GSE1: variants seen among roughly 807,000 people sequenced by gnomAD.
The protein encoded by GSE1 is genetic suppressor element 1.
A neutral mutation model predicts 112.6 loss-of-function variants in GSE1; 32 were observed. The ratio of observed to expected loss-of-function variants is 0.28; its 90% confidence interval spans 0.21 to 0.38. The LOEUF (loss-of-function observed/expected upper bound fraction) is 0.38, where lower values mean the gene tolerates loss of function less well. Ranked by LOEUF, GSE1 falls within the 10% of genes least tolerant of loss-of-function variation. The probability of loss-of-function intolerance (pLI) is 1.00; values close to 1 mark genes in which losing one functional copy is unlikely to be tolerated. For synonymous variants in GSE1, 1,115 were observed against 735.6 expected (o/e 1.52, Z -8.35); for missense variants, 2,348 against 1,699.2 (o/e 1.38, Z -6.71).
At chr16:85,616,736 G>A (rs906979525) in intron 1 of GSE1, among the ~76,000 whole-genome samples, 4 of 150,218 alleles carry the variant, frequency 2.7e-5, no homozygotes, top group African/African-American at 7.4e-5. Context: ...CACCGAGTGC[G>A]GTGTGGGACG....
intron 1 of GSE1, among the ~76,000 whole-genome samples, chr16:85,299,745 T>G (rs1381765377): frequency 2.0e-5 from 3 of 152,028 alleles, no homozygotes; most frequent in Non-Finnish European, 4.4e-5. Flanking sequence ...CTGGGCAACA[T>G]AGTGGGACTC....
chr16:85,627,219 T>C (rs908980498), intron 1 of GSE1, among the ~76,000 whole-genome samples: 4 of 150,500 alleles, frequency 2.7e-5, no homozygotes, highest in African/African-American at 9.8e-5. Context: ...CCCCAGACCT[T>C]TCCTGTCTGT....
intron 1 of GSE1, among the ~76,000 whole-genome samples, chr16:85,298,764 C>A (rs1410150524): frequency 4.6e-5 from 7 of 152,332 alleles, no homozygotes; most frequent in African/African-American, 1.7e-4. Context: ...AGATTCACGC[C>A]CTTTGCATGT....
chr16:85,440,228 AG>A (rs2049344268), intron 2 of GSE1, among the ~76,000 whole-genome samples: 1 of 152,222 alleles, frequency 6.6e-6, no homozygotes, highest in South Asian at 2.1e-4. Flanking sequence ...GAGGATCAGG[AG>A]ACAGTCAGCC....
At chr16:85,294,007 C>G (rs1056693926) in intron 1 of GSE1, among the ~76,000 whole-genome samples, 4 of 152,320 alleles carry the variant, frequency 2.6e-5, no homozygotes, top group Non-Finnish European at 2.9e-5. Flanking sequence ...TGCTTCGAGG[C>G]GCCCTCTGTG....
chr16:85,664,366 G>T (rs2052666910), intron 11 of GSE1, among the ~76,000 whole-genome samples: 1 of 152,202 alleles, frequency 6.6e-6, no homozygotes, highest in African/African-American at 2.4e-5. Flanking sequence ...GTTGATCAGG[G>T]TGTAGCCGTT....
intron 1 of GSE1, among the ~76,000 whole-genome samples, chr16:85,343,481 G>T (rs2046667442): frequency 2.6e-5 from 4 of 152,208 alleles, no homozygotes; most frequent in Admixed American, 2.0e-4. Context: ...CGGCCCAGTG[G>T]CTCACACCTG....
intron 2 of GSE1, among the ~76,000 whole-genome samples, chr16:85,460,444 C>T (rs1038120792): frequency 6.6e-6 from 1 of 152,214 alleles, no homozygotes; most frequent in Non-Finnish European, 1.5e-5. Flanking sequence ...ACGATTTGGC[C>T]TTGGAAACCA....
chr16:85,470,971 A>C (rs2050276014), intron 2 of GSE1, among the ~76,000 whole-genome samples: 1 of 152,254 alleles, frequency 6.6e-6, no homozygotes, highest in Admixed American at 6.5e-5. Flanking sequence ...CATCTGGCAG[A>C]CACGCGGCCC....
At chr16:85,565,406 CAAA>C (rs71153804) in intron 1 of GSE1, among the ~76,000 whole-genome samples, 3 of 141,880 alleles carry the variant, frequency 2.1e-5, no homozygotes, top group Admixed American at 1.4e-4. Context: ...AAAAAAAAAA[CAAA>C]AAAAAACAAA....
chr16:85,252,246 C>T (rs114817248), intron 1 of GSE1, among the ~76,000 whole-genome samples: 1,676 of 152,206 alleles, frequency 0.011, 40 homozygotes, highest in African/African-American at 0.038. Context: ...GGGGCTGAGC[C>T]TGTCACTATC....
At chr16:85,366,534 G>A (rs529539050) in intron 2 of GSE1, among the ~76,000 whole-genome samples, 24 of 152,340 alleles carry the variant, frequency 1.6e-4, no homozygotes, top group African/African-American at 5.8e-4. Context: ...GCCCTGAGAG[G>A]CTCTTTCCTT....
At chr16:85,448,845 G>A (rs2049586614) in intron 2 of GSE1, among the ~76,000 whole-genome samples, 1 of 152,216 alleles carries the variant, frequency 6.6e-6, no homozygotes, top group Non-Finnish European at 1.5e-5. Context: ...CCTCTCCCAG[G>A]GCCTCCTGGA....
At chr16:85,510,071 G>A (rs950772162) in intron 2 of GSE1, among the ~76,000 whole-genome samples, 1 of 152,174 alleles carries the variant, frequency 6.6e-6, no homozygotes, top group Non-Finnish European at 1.5e-5. Context: ...GTGGGGCCCC[G>A]GGGGCCAAGC....
intron 2 of GSE1, among the ~76,000 whole-genome samples, chr16:85,505,624 G>A (rs907783280): frequency 6.6e-6 from 1 of 152,104 alleles, no homozygotes; most frequent in Non-Finnish European, 1.5e-5. Context: ...GAGTGCCGGC[G>A]GGGGGCACAT....
intron 1 of GSE1, among the ~76,000 whole-genome samples, chr16:85,310,414 C>T (rs926070809): frequency 1.3e-5 from 2 of 152,176 alleles, no homozygotes; most frequent in African/African-American, 2.4e-5. Flanking sequence ...ATGTCATTGT[C>T]GGCTGCCTTC....
At chr16:85,604,420 A>G (rs2047595050) in intron 1 of GSE1, among the ~76,000 whole-genome samples, 1 of 152,060 alleles carries the variant, frequency 6.6e-6, no homozygotes, top group African/African-American at 2.4e-5. Flanking sequence ...TCTGATGGAC[A>G]TGTAGGTTTT....
At chr16:85,590,508 A>C (rs1171991177) in intron 1 of GSE1, among the ~76,000 whole-genome samples, 7 of 138,898 alleles carry the variant, frequency 5.0e-5, no homozygotes, top group Non-Finnish European at 1.1e-4. Flanking sequence ...CCTGTGTGTG[A>C]ATGAGTGTGT....
At chr16:85,514,601 C>A (rs1287965118) in intron 2 of GSE1, among the ~76,000 whole-genome samples, 1 of 152,236 alleles carries the variant, frequency 6.6e-6, no homozygotes, top group Non-Finnish European at 1.5e-5. Context: ...CTTCACCCTG[C>A]TGGGCTTGTC....
Sources: gnomAD v4.1 joint callset for allele counts (sites outside exome capture counted in the v4.1 genomes callset) on GRCh38, gnomAD v4.1.1 for gene constraint, MANE v1.5 for transcripts, NCBI Gene and HGNC (gene_info 2026-07-23, HGNC 2026-07-21) for gene names.